Variants in TENM2 observed in about 807,000 individuals in gnomAD.
TENM2 encodes the protein teneurin-2.
Under a neutral mutation model 245.2 loss-of-function variants are expected in TENM2, and 52 were observed. That is an observed-to-expected ratio of 0.21 (90% CI 0.17 to 0.27). The LOEUF is 0.27. Ranked by LOEUF, TENM2 falls within the 10% of genes least tolerant of loss-of-function variation. The pLI is 1.00. For synonymous variants in TENM2, 1,363 were observed against 1,438.9 expected (o/e 0.95, Z 1.19); for missense variants, 3,046 against 3,666.8 (o/e 0.83, Z 4.37).
At chr5:167,520,827 C>T (rs943494278) in intron 2 of TENM2, among the ~76,000 whole-genome samples, 7 of 151,744 alleles carry the variant, frequency 4.6e-5, no homozygotes, top group African/African-American at 1.7e-4. Context: ...CTCAATTGGG[C>T]CTTTCACTTT....
exon 29 of TENM2, chr5:168,262,929 A>T (rs1323314422): frequency 1.1e-6 from 1 of 934,498 alleles, no homozygotes; most frequent in Non-Finnish European, 1.6e-6. Context: ...TAGGAGACCA[A>T]GTGGCAAGAA....
At chr5:167,821,833 G>T (rs1767552486) in intron 2 of TENM2, among the ~76,000 whole-genome samples, 1 of 151,974 alleles carries the variant, frequency 6.6e-6, no homozygotes, top group Non-Finnish European at 1.5e-5. Flanking sequence ...TCTCATTAGG[G>T]TCTGTGCTTT....
At chr5:168,104,578 G>A (rs1459026454) in intron 9 of TENM2, among the ~76,000 whole-genome samples, 4 of 152,154 alleles carry the variant, frequency 2.6e-5, no homozygotes, top group Admixed American at 2.0e-4. Context: ...CAGAAATGCG[G>A]ATTTACTCTC....
intron 5 of TENM2, among the ~76,000 whole-genome samples, chr5:168,024,145 C>T (rs184453903): frequency 6.6e-6 from 1 of 152,264 alleles, no homozygotes; most frequent in Admixed American, 6.5e-5. Flanking sequence ...CATCATACCC[C>T]ATGCATGAGT....
At chr5:167,024,285 G>T in the TENM2 span, among the ~76,000 whole-genome samples, 8 of 152,294 alleles carry the variant, frequency 5.3e-5, no homozygotes, top group African/African-American at 1.9e-4. Context: ...CTTACAATTT[G>T]TTGTTAAGTA....
the TENM2 span, among the ~76,000 whole-genome samples, chr5:167,252,764 C>T: frequency 6.6e-6 from 1 of 152,046 alleles, no homozygotes; most frequent in Non-Finnish European, 1.5e-5. Flanking sequence ...AACATTGATC[C>T]TTTACACCAT....
At chr5:167,327,412 A>C (rs1757154072) in intron 1 of TENM2, among the ~76,000 whole-genome samples, 1 of 152,254 alleles carries the variant, frequency 6.6e-6, no homozygotes, top group South Asian at 2.1e-4. Context: ...ATGAGTTTGT[A>C]GTTCAATTGG....
chr5:167,545,780 C>T (rs1047394703), intron 2 of TENM2, among the ~76,000 whole-genome samples: 7 of 152,168 alleles, frequency 4.6e-5, no homozygotes, highest in African/African-American at 1.7e-4. Flanking sequence ...GCATAATAAT[C>T]TTAATTATAT....
intron 1 of TENM2, among the ~76,000 whole-genome samples, chr5:167,286,109 A>G (rs1369695257): frequency 2.0e-5 from 3 of 152,234 alleles, no homozygotes; most frequent in African/African-American, 7.2e-5. Context: ...TTATAAATCT[A>G]CAATCCAGAG....
chr5:167,121,153 T>C, the TENM2 span, among the ~76,000 whole-genome samples: 2 of 152,270 alleles, frequency 1.3e-5, no homozygotes, highest in African/African-American at 4.8e-5. Flanking sequence ...TAGTGCTAGA[T>C]TTTTAATTTT....
chr5:167,199,031 TG>T, the TENM2 span, among the ~76,000 whole-genome samples: 2 of 147,380 alleles, frequency 1.4e-5, no homozygotes, highest in African/African-American at 5.0e-5. Flanking sequence ...ATGGTAAAAC[TG>T]TCAAAACCCT....
At chr5:167,594,584 T>C (rs1044293516) in intron 2 of TENM2, among the ~76,000 whole-genome samples, 2 of 152,206 alleles carry the variant, frequency 1.3e-5, no homozygotes, top group African/African-American at 4.8e-5. Flanking sequence ...AATTACAATG[T>C]TTTTATTTGT....
chr5:167,586,741 A>T (rs1189070405), intron 2 of TENM2, among the ~76,000 whole-genome samples: 1 of 152,256 alleles, frequency 6.6e-6, no homozygotes, highest in Non-Finnish European at 1.5e-5. Flanking sequence ...TAACCACCTT[A>T]TAACAATCAC....
Position 168,244,025 on chromosome 5 carries a change from A to C in TENM2, c.5521-395A>C, listed in dbSNP as rs1581746569. Among the ~76,000 whole-genome samples the C allele has an allele frequency of 7.5e-6, 1 of 133,830 alleles. No homozygotes were observed. The highest frequency in any genetic ancestry group is 2.9e-5 in the African/African-American group (1 of 34,872). The allele number at this position is 133,830 out of a possible 152,430, so 87.8% of individuals were successfully genotyped here. On this transcript the variant is annotated intron_variant, in intron 25 of 28. Transcript: ENST00000518659. The surrounding 1 kb of genome is among the most constrained non-coding windows in gnomAD (Gnocchi z 4.9). ...ACAATTTCAGCTCACTGCCATCTCC[A>C]CCTCCCAGGTTCAAGTGATTCTCCT... is the stretch of plus-strand genomic sequence containing the variant.
chr5:167,269,790 C>G, the TENM2 span, among the ~76,000 whole-genome samples: 4 of 152,136 alleles, frequency 2.6e-5, no homozygotes, highest in Non-Finnish European at 5.9e-5. Flanking sequence ...GTTTCATTCT[C>G]TGTACTTACC....
intron 2 of TENM2, among the ~76,000 whole-genome samples, chr5:167,448,414 T>A (rs1765362141): frequency 6.6e-6 from 1 of 151,792 alleles, no homozygotes; most frequent in Non-Finnish European, 1.5e-5. Context: ...CAGTTGTTTT[T>A]AATATTCTTG....
intron 4 of TENM2, among the ~76,000 whole-genome samples, chr5:167,989,526 CA>C (rs1448171533): frequency 1.3e-5 from 2 of 151,830 alleles, no homozygotes; most frequent in African/African-American, 4.8e-5. Flanking sequence ...AAACAAGGGT[CA>C]AAAAATGGGT....
intron 2 of TENM2, among the ~76,000 whole-genome samples, chr5:167,778,679 A>G (rs1177108109): frequency 2.6e-5 from 4 of 152,206 alleles, no homozygotes; most frequent in African/African-American, 7.2e-5. Flanking sequence ...TATATAGTCA[A>G]CAGCAAAATT....
At chr5:167,632,035 G>T (rs1377320445) in intron 2 of TENM2, among the ~76,000 whole-genome samples, 1 of 152,118 alleles carries the variant, frequency 6.6e-6, no homozygotes, top group Non-Finnish European at 1.5e-5. Context: ...GATCCTGGTG[G>T]TATGTTCACT....
Sources: gnomAD v4.1 joint callset for allele counts (sites outside exome capture counted in the v4.1 genomes callset) on GRCh38, gnomAD v4.1.1 for gene constraint, Gnocchi (gnomAD v3.1) non-coding constraint, MANE v1.5 for transcripts, NCBI Gene and HGNC (gene_info 2026-07-23, HGNC 2026-07-21) for gene names.